PTPRD: variants seen among roughly 807,000 people sequenced by gnomAD.
PTPRD encodes protein tyrosine phosphatase receptor type D, also known as receptor-type tyrosine-protein phosphatase delta.
In PTPRD, 34 loss-of-function variants were observed where a neutral mutation model predicts 214.5. The observed-to-expected ratio is 0.16, with a 90% CI of 0.12 to 0.21. The LOEUF (loss-of-function observed/expected upper bound fraction) is 0.21, where lower values mean the gene tolerates loss of function less well. Ranked by LOEUF, PTPRD falls within the 10% of genes least tolerant of loss-of-function variation. The pLI, the probability that PTPRD is intolerant of heterozygous loss-of-function variation, is 1.00. For missense variants in PTPRD, 2,545 were observed against 2,398.7 expected, an observed-to-expected ratio of 1.06 and a Z score of -1.27; for synonymous variants, 1,128 against 845.7, an observed-to-expected ratio of 1.33 and a Z score of -5.79.
intron 9 of PTPRD, among the ~76,000 whole-genome samples, chr9:9,304,168 T>C (rs1432882381): frequency 1.3e-5 from 2 of 152,068 alleles, no homozygotes; most frequent in Admixed American, 6.6e-5. Flanking sequence ...TAAAAAGAAG[T>C]TCCCTCAACA....
At chr9:9,612,505 C>T (rs766006588) in intron 7 of PTPRD, among the ~76,000 whole-genome samples, 1 of 152,086 alleles carries the variant, frequency 6.6e-6, no homozygotes, top group African/African-American at 2.4e-5. Context: ...ACTCAAAGGG[C>T]AAGTAGACAG....
intron 8 of PTPRD, among the ~76,000 whole-genome samples, chr9:9,456,471 T>C (rs894342554): frequency 3.3e-5 from 5 of 151,906 alleles, no homozygotes; most frequent in African/African-American, 1.2e-4. Context: ...TCCGCTTTTA[T>C]TCATGGCTTC....
intron 3 of PTPRD, among the ~76,000 whole-genome samples, chr9:10,084,976 C>T (rs2098309335): frequency 6.6e-6 from 1 of 151,812 alleles, no homozygotes; most frequent in African/African-American, 2.4e-5. Flanking sequence ...AGATATAAAC[C>T]ATATCATGAT....
intron 4 of PTPRD, among the ~76,000 whole-genome samples, chr9:10,018,565 T>TTTTTTTTTTG (rs1589038649): frequency 8.6e-6 from 1 of 116,918 alleles, no homozygotes; most frequent in African/African-American, 3.9e-5. Flanking sequence ...TTTTTTTTTT[T>TTTTTTTTTTG]GAGACGGAGT....
chr9:9,519,468 A>C (rs957903527), intron 8 of PTPRD, among the ~76,000 whole-genome samples: 1 of 151,954 alleles, frequency 6.6e-6, no homozygotes, highest in Non-Finnish European at 1.5e-5. Context: ...GAAAAGGAAA[A>C]GAATAAAGGC....
intron 2 of PTPRD, among the ~76,000 whole-genome samples, chr9:10,582,691 C>G (rs1232334768): frequency 6.6e-6 from 1 of 151,948 alleles, no homozygotes; most frequent in African/African-American, 2.4e-5. Flanking sequence ...CTTAGATAAT[C>G]GTGTAAAAAG....
At chr9:10,483,091 G>C (rs922276235) in intron 2 of PTPRD, among the ~76,000 whole-genome samples, 1 of 152,066 alleles carries the variant, frequency 6.6e-6, no homozygotes, top group African/African-American at 2.4e-5. Flanking sequence ...CAGATACACA[G>C]ATCAATGGAA....
chr9:9,990,769 C>T (rs1325470689), intron 4 of PTPRD, among the ~76,000 whole-genome samples: 1 of 152,154 alleles, frequency 6.6e-6, no homozygotes, highest in Non-Finnish European at 1.5e-5. Flanking sequence ...CAAATATCTC[C>T]ATTAAATTTA....
chr9:9,552,190 G>T (rs1326654868), intron 8 of PTPRD, among the ~76,000 whole-genome samples: 1 of 151,924 alleles, frequency 6.6e-6, no homozygotes, highest in East Asian at 1.9e-4. Context: ...GATTTACCCA[G>T]TCTGATTCAA....
chr9:9,653,067 G>A (rs1358315553), intron 7 of PTPRD, among the ~76,000 whole-genome samples: 1 of 149,544 alleles, frequency 6.7e-6, no homozygotes, highest in Non-Finnish European at 1.5e-5. Context: ...TCATGGCCGG[G>A]CGCGGTGGCT....
chr9:8,665,592 C>A lies in PTPRD; in HGVS notation c.65-28748G>T, dbSNP rs532465527. Among the ~76,000 whole-genome samples, 4 of 152,196 alleles carry A rather than the reference C, an allele frequency of 2.6e-5. No homozygotes were observed. In the East Asian group the frequency reaches 7.7e-4, roughly 29 times the overall value. ...TAGACATTCATTCTACCCATCTAAT[C>A]CAGAGTTGTGATGTTACTTTTCATA... On this transcript the variant is annotated intron_variant, in intron 12 of 45. Coordinates refer to ENST00000381196, the MANE Select transcript of PTPRD (RefSeq NM_002839.4).
intron 5 of PTPRD, among the ~76,000 whole-genome samples, chr9:9,819,492 G>A (rs1338169875): frequency 6.6e-6 from 1 of 152,132 alleles, no homozygotes; most frequent in African/African-American, 2.4e-5. Context: ...CTTCTGTGAA[G>A]TTTTTATTGA....
chr9:9,108,694 A>T (rs894888339), intron 10 of PTPRD, among the ~76,000 whole-genome samples: 3 of 152,164 alleles, frequency 2.0e-5, no homozygotes, highest in African/African-American at 7.2e-5. Flanking sequence ...TTTTTACAGC[A>T]CATTGACCAG....
At chr9:9,024,435 AG>A (rs1305408110) in intron 10 of PTPRD, among the ~76,000 whole-genome samples, 9 of 146,808 alleles carry the variant, frequency 6.1e-5, no homozygotes, top group Non-Finnish European at 1.3e-4. Flanking sequence ...TTAATTCCTT[AG>A]GATGAATTGC....
At chr9:9,792,123 T>A in intron 5 of PTPRD, among the ~76,000 whole-genome samples, 1 of 151,968 alleles carries the variant, frequency 6.6e-6, no homozygotes, top group East Asian at 1.9e-4. Context: ...TGACACTTTT[T>A]AAAAAAATCA....
intron 11 of PTPRD, among the ~76,000 whole-genome samples, chr9:8,951,932 G>A (rs958277823): frequency 3.9e-5 from 6 of 151,980 alleles, no homozygotes; most frequent in Non-Finnish European, 5.9e-5. Context: ...TTACTATGGT[G>A]TACAATGCTG....
At chr9:8,342,074 C>T in intron 39 of PTPRD, 96 bp from the exon 40 acceptor site, 4 of 1,246,610 alleles carry the variant, frequency 3.2e-6, no homozygotes, top group Admixed American at 2.9e-5. Context: ...CTAGACCTTA[C>T]ATCCATTACT....
intron 5 of PTPRD, among the ~76,000 whole-genome samples, chr9:9,776,698 G>A (rs2098801109): frequency 1.3e-5 from 2 of 152,092 alleles, no homozygotes; most frequent in Non-Finnish European, 2.9e-5. Flanking sequence ...TGAAGATAGT[G>A]ACTTTTACTA....
At chr9:9,523,780 C>G (rs2097052655) in intron 8 of PTPRD, among the ~76,000 whole-genome samples, 1 of 152,170 alleles carries the variant, frequency 6.6e-6, no homozygotes, top group Non-Finnish European at 1.5e-5. Flanking sequence ...CTGCTTTTCT[C>G]TCTATTTTAC....
Sources: allele counts gnomAD v4.1 joint callset (sites outside exome capture counted in the v4.1 genomes callset), GRCh38; gene constraint gnomAD v4.1.1; transcripts MANE v1.5; gene names NCBI Gene and HGNC (gene_info 2026-07-23, HGNC 2026-07-21).